Variants in ANP32A observed in about 807,000 individuals in gnomAD.
ANP32A encodes acidic nuclear phosphoprotein 32 family member A.
A neutral mutation model predicts 33.9 loss-of-function variants in ANP32A; 1 was observed. The observed-to-expected ratio is 0.03, with a 90% CI of 0.01 to 0.14. The LOEUF (loss-of-function observed/expected upper bound fraction) is 0.14. ANP32A is among the 10% of genes least tolerant of loss of function. The probability of loss-of-function intolerance (pLI) is 1.00; values close to 1 mark genes in which losing one functional copy is unlikely to be tolerated. For synonymous variants in ANP32A, 115 were observed against 120.5 expected, an observed-to-expected ratio of 0.95 and a Z score of 0.30; for missense variants, 155 against 306.0, an observed-to-expected ratio of 0.51 and a Z score of 3.68.
chr15:68,792,172 G>C (rs1894005869), intron 1 of ANP32A: 2 of 151,210 alleles, frequency 1.3e-5, no homozygotes, highest in African/African-American at 4.9e-5. Context: ...CCAAGTCCTG[G>C]GTGTGAGTGA....
chr15:68,809,829 T>A (rs950272804), intron 1 of ANP32A, among the ~76,000 whole-genome samples: 2 of 152,238 alleles, frequency 1.3e-5, no homozygotes, highest in African/African-American at 4.8e-5. Context: ...ATGCTTACCA[T>A]GTGCCAGGCA....
At chr15:68,807,296 A>C (rs1184283161) in intron 1 of ANP32A, among the ~76,000 whole-genome samples, 1 of 149,136 alleles carries the variant, frequency 6.7e-6, no homozygotes, top group South Asian at 2.1e-4. Flanking sequence ...AAAGGCAAGA[A>C]GGCTAGGGTC....
At chr15:68,811,949 G>A (rs552339912) in intron 1 of ANP32A, among the ~76,000 whole-genome samples, 2 of 151,328 alleles carry the variant, frequency 1.3e-5, no homozygotes, top group South Asian at 4.2e-4. Context: ...GCCTGTTCTT[G>A]AACTCCTGGC....
chr15:68,782,462 T>G (rs541250667), intron 5 of ANP32A, among the ~76,000 whole-genome samples: 1 of 152,166 alleles, frequency 6.6e-6, no homozygotes, highest in Non-Finnish European at 1.5e-5. Flanking sequence ...GTTAAAAAAC[T>G]GGGAACCAGC....
At position 68,809,955 on chromosome 15, in the gene ANP32A, T is replaced by C. The variant is rs542386647; in HGVS notation, c.54+10743A>G. 9.0e-4 allele frequency among the ~76,000 whole-genome samples: 137 copies of C among 152,262 alleles called. 2 individuals are homozygous for C. In the South Asian group the frequency reaches 9.3e-3, roughly 10 times the overall value. The stretch of plus-strand genomic sequence containing the variant: ...AATTAAACACTCATAATCTGGAATA[T>C]GTAGTTACAAACTGAAGCACTCTGA... On this transcript the variant is annotated intron_variant, in intron 1 of 6. Coordinates refer to ENST00000465139, the MANE Select transcript of ANP32A (RefSeq NM_006305.4).
chr15:68,784,546 G>A lies in ANP32A; in HGVS notation c.377C>T (p.Thr126Ile). ...KSLDLFNCEV[T>I]NLNDYRENVF... Reference sequence around the variant, plus strand: ...ATTTTCTCGGTAGTCGTTCAGGTTGGTTACCTCGCAATTGAAAAGGTCTAA... The same window carrying A: ...ATTTTCTCGGTAGTCGTTCAGGTTGATTACCTCGCAATTGAAAAGGTCTAA... Residue 126 changes from threonine to isoleucine, a missense_variant, in exon 4 of 7, where the codon ACC becomes ATC. This residue lies in a region of ANP32A where 85 missense variants were observed against 183.8 expected (regional missense o/e 0.46). Transcript: ENST00000465139. 6.2e-7 allele frequency: 1 copy of A among 1,614,132 alleles called. No homozygotes were observed. The highest frequency in any genetic ancestry group is 8.5e-7 in the Non-Finnish European group (1 of 1,180,034).
rs535304671 is a variant in ANP32A, at chr15:68,799,971, G to A, written c.55-12052C>T. ...TCATAAAGAGACAGCTTTCTCCCCA[G>A]TGTACTTTGTAAGAAGGTCTCTAGA... On this transcript the variant is annotated intron_variant, in intron 1 of 6. Coordinates refer to ENST00000465139, the MANE Select transcript of ANP32A (RefSeq NM_006305.4). Among the ~76,000 whole-genome samples the A allele has an allele frequency of 1.1e-4, 16 of 152,272 alleles. No homozygotes were observed. The South Asian group carries it at 3.3e-3, about 32-fold the overall frequency.
intron 5 of ANP32A, chr15:68,781,031 C>G (rs1893860263): frequency 6.5e-6 from 1 of 153,332 alleles, no homozygotes; most frequent in Non-Finnish European, 1.5e-5. Flanking sequence ...ATTCAAGACC[C>G]CCTGAGGACA....
chr15:68,783,642 C>A (rs1169694700), intron 4 of ANP32A, among the ~76,000 whole-genome samples: 8 of 152,238 alleles, frequency 5.3e-5, no homozygotes, highest in Non-Finnish European at 1.2e-4. Flanking sequence ...CCATTCTCAA[C>A]TTTATCTGGC....
At chr15:68,820,036 A>T (rs1327712069) in intron 1 of ANP32A, among the ~76,000 whole-genome samples, 1 of 152,124 alleles carries the variant, frequency 6.6e-6, no homozygotes, top group South Asian at 2.1e-4. Context: ...CTCTCGCCTC[A>T]TCACTGCAAA....
chr15:68,810,203 T>C (rs983998059), intron 1 of ANP32A, among the ~76,000 whole-genome samples: 2 of 152,202 alleles, frequency 1.3e-5, no homozygotes, highest in African/African-American at 4.8e-5. Context: ...GTTGGTCTTA[T>C]TAAAGATTTG....
intron 1 of ANP32A, chr15:68,789,380 C>G (rs1336272071): frequency 2.0e-5 from 3 of 152,474 alleles, no homozygotes; most frequent in African/African-American, 7.2e-5. Flanking sequence ...TCCTGCCCCT[C>G]AGGGCCTTTT....
chr15:68,782,245 A>G (rs992011201), intron 5 of ANP32A, among the ~76,000 whole-genome samples: 2 of 152,238 alleles, frequency 1.3e-5, no homozygotes, highest in Non-Finnish European at 2.9e-5. Context: ...AACGCCTACA[A>G]TAAGCAGTCA....
chr15:68,816,674 G>T (rs777768490), intron 1 of ANP32A, among the ~76,000 whole-genome samples: 1 of 152,104 alleles, frequency 6.6e-6, no homozygotes, highest in Non-Finnish European at 1.5e-5. Context: ...CCGTTTTACA[G>T]GTGAAGAAAC....
intron 1 of ANP32A, among the ~76,000 whole-genome samples, 200 bp downstream of exon 1, chr15:68,820,498 G>A (rs1471577786): frequency 6.6e-6 from 1 of 152,042 alleles, no homozygotes; most frequent in Non-Finnish European, 1.5e-5. Context: ...CACACCAAGG[G>A]CAGCGGCGGC....
intron 1 of ANP32A, among the ~76,000 whole-genome samples, chr15:68,813,900 C>T (rs1020668547): frequency 6.2e-5 from 7 of 113,660 alleles, no homozygotes; most frequent in Non-Finnish European, 1.0e-4. Flanking sequence ...GACGGAGTCT[C>T]GCTTTGTCCC....
intron 1 of ANP32A, among the ~76,000 whole-genome samples, chr15:68,800,051 T>C (rs1894110065): frequency 8.5e-6 from 1 of 117,812 alleles, no homozygotes; most frequent in Admixed American, 9.8e-5. Flanking sequence ...GGGAGCTTCC[T>C]GTCCCTGTAT....
chr15:68,800,035 A>C (rs1894109938), intron 1 of ANP32A, among the ~76,000 whole-genome samples: 1 of 149,116 alleles, frequency 6.7e-6, no homozygotes. Flanking sequence ...GCTGCTCTGA[A>C]AACTTGGGAG....
chr15:68,780,220 G>C lies in ANP32A; in HGVS notation c.689-78C>G. ...ACTCAACCCACCCAGTGAGAAGTCA[G>C]GGGACCCATGACTAGCAAGCTGTGC... On this transcript the variant is annotated intron_variant, in intron 6 of 6. Coordinates refer to ENST00000465139, the MANE Select transcript of ANP32A (RefSeq NM_006305.4). This position sits in a 1 kb window ranked among gnomAD's most constrained non-coding sequence, Gnocchi z 4.3. 6.3e-7 allele frequency: 1 copy of C among 1,580,602 alleles called. No homozygotes were observed. Among genetic ancestry groups the C allele is most frequent in the Non-Finnish European group, 8.6e-7 (1 of 1,156,506 alleles).
Sources: allele counts gnomAD v4.1 joint callset (sites outside exome capture counted in the v4.1 genomes callset), GRCh38; gene constraint gnomAD v4.1.1; regional missense constraint gnomAD v4.1.1; non-coding constraint Gnocchi (gnomAD v3.1); transcripts MANE v1.5; gene names NCBI Gene and HGNC (gene_info 2026-07-23, HGNC 2026-07-21).